The following LPAR3 variants were observed in gnomAD, a reference collection of about 807,000 sequenced individuals.
LPAR3 encodes the protein LPA receptor 3.
LPAR3 carries 7 observed loss-of-function variants against 17.8 expected under a neutral mutation model. That is an observed-to-expected ratio of 0.39 (90% CI 0.22 to 0.74). LPAR3 has a LOEUF of 0.74. Ranked by LOEUF, LPAR3 falls within the 30% of genes least tolerant of loss-of-function variation. The pLI is 0.40. For missense variants in LPAR3, 391 were observed against 453.4 expected (o/e 0.86, Z 1.25); for synonymous variants, 179 against 179.9 (o/e 0.99, Z 0.04).
At chr1:84,835,711 T>A (rs761838967) in intron 2 of LPAR3, among the ~76,000 whole-genome samples, 103 of 152,208 alleles carry the variant, frequency 6.8e-4, no homozygotes, top group Admixed American at 1.2e-3. Flanking sequence ...CAAATTTCTC[T>A]GGCACTCCTT....
At chr1:84,880,222 C>T (rs532213109) in intron 1 of LPAR3, among the ~76,000 whole-genome samples, 2 of 152,280 alleles carry the variant, frequency 1.3e-5, no homozygotes, top group African/African-American at 2.4e-5. Flanking sequence ...GCCAGCTACT[C>T]GGGAGGCTGA....
chr1:84,869,469 G>A (rs1238691948), intron 1 of LPAR3, among the ~76,000 whole-genome samples: 1 of 152,006 alleles, frequency 6.6e-6, no homozygotes, highest in Non-Finnish European at 1.5e-5. Context: ...GCACAGGATG[G>A]AATACTATAC....
At chr1:84,836,350 A>C (rs1659404829) in intron 2 of LPAR3, among the ~76,000 whole-genome samples, 1 of 151,274 alleles carries the variant, frequency 6.6e-6, no homozygotes, top group Admixed American at 6.6e-5. Context: ...AAAAAAAAAA[A>C]AAAAAAACCC....
chr1:84,847,963 C>T (rs1282185013), intron 2 of LPAR3, among the ~76,000 whole-genome samples: 2 of 152,204 alleles, frequency 1.3e-5, no homozygotes, highest in African/African-American at 2.4e-5. Context: ...TATTCTAGGG[C>T]CCAGGTTTTT....
intron 1 of LPAR3, among the ~76,000 whole-genome samples, chr1:84,877,772 C>T (rs556049350): frequency 2.6e-5 from 4 of 152,306 alleles, no homozygotes; most frequent in East Asian, 1.9e-4. Context: ...TCTTCACCTA[C>T]GTGTCAGCCT....
At chr1:84,858,203 C>T (rs758241630) in intron 2 of LPAR3, among the ~76,000 whole-genome samples, 2 of 152,048 alleles carry the variant, frequency 1.3e-5, no homozygotes, top group African/African-American at 2.4e-5. Flanking sequence ...AAACAAGGGC[C>T]GGGCATGGTG....
chr1:84,821,146 T>C lies in LPAR3; in HGVS notation c.737-6975A>G, dbSNP rs1237167792. Among the ~76,000 whole-genome samples, 3 of 152,082 alleles carry C rather than the reference T, an allele frequency of 2.0e-5. No homozygotes were observed. The East Asian group carries it at 5.8e-4, about 29-fold the overall frequency. On this transcript the variant is annotated intron_variant, in intron 2 of 2. Transcript: ENST00000370611. ...ATAGATCAGTGGTTTTCAAACCATT[T>C]CTTTTTTTTTTAAGTAGAGGAATAC...
intron 1 of LPAR3, among the ~76,000 whole-genome samples, chr1:84,867,555 T>C (rs1295537200): frequency 6.6e-6 from 1 of 151,752 alleles, no homozygotes; most frequent in African/African-American, 2.4e-5. Context: ...TTTTTTTAAT[T>C]TATATTTTAA....
chr1:84,844,578 G>T (rs1367708941), intron 2 of LPAR3, among the ~76,000 whole-genome samples: 1 of 152,020 alleles, frequency 6.6e-6, no homozygotes, highest in Non-Finnish European at 1.5e-5. Flanking sequence ...TCATTGCAGG[G>T]ATATTTTAAT....
At chr1:84,839,655 G>A (rs1659472446) in intron 2 of LPAR3, among the ~76,000 whole-genome samples, 1 of 151,470 alleles carries the variant, frequency 6.6e-6, no homozygotes, top group Non-Finnish European at 1.5e-5. Context: ...GACAGAGCAG[G>A]ACCCTGTCTC....
chr1:84,855,611 A>G (rs1659801817), intron 2 of LPAR3, among the ~76,000 whole-genome samples: 1 of 152,248 alleles, frequency 6.6e-6, no homozygotes, highest in South Asian at 2.1e-4. Flanking sequence ...GAAGTTCTGA[A>G]GAAGGGGGCA....
At chr1:84,861,233 T>G (rs567780939) in intron 2 of LPAR3, among the ~76,000 whole-genome samples, 3 of 152,358 alleles carry the variant, frequency 2.0e-5, no homozygotes, top group African/African-American at 7.2e-5. Context: ...TCTAATATAC[T>G]ATCATTTGGG....
chr1:84,833,347 C>A (rs1659329798), intron 2 of LPAR3, among the ~76,000 whole-genome samples: 2 of 152,262 alleles, frequency 1.3e-5, no homozygotes, highest in South Asian at 2.1e-4. Context: ...ATGATATAGA[C>A]AAACTGAAAG....
At position 84,865,509 on chromosome 1, in the gene LPAR3, C is replaced by G; in HGVS notation, c.612G>C (p.Val204=). Residue 204 remains valine (V), a synonymous_variant, in exon 2 of 3, where the codon GTG becomes GTC. Transcript: ENST00000370611. ...CGTACACGTAGATCCGCAGGTACAC[C>G]ACAACCATGATGAGGAAGGCCATGA... is the stretch of plus-strand genomic sequence containing the variant. ...SNLMAFLIMV[V]VYLRIYVYVK... is the part of the protein sequence containing the mutation. The G allele has an allele frequency of 6.2e-7, 1 of 1,614,142 alleles. No individual in the cohort carries two copies. The highest frequency in any genetic ancestry group is 8.5e-7 in the Non-Finnish European group (1 of 1,180,038).
chr1:84,826,159 T>G (rs933304093), intron 2 of LPAR3, among the ~76,000 whole-genome samples: 5 of 151,032 alleles, frequency 3.3e-5, no homozygotes, highest in African/African-American at 1.2e-4. Context: ...ACATATAATA[T>G]ATACATATTA....
intron 2 of LPAR3, among the ~76,000 whole-genome samples, chr1:84,841,852 A>G (rs533173194): frequency 1.3e-5 from 2 of 152,326 alleles, no homozygotes; most frequent in East Asian, 1.9e-4. Flanking sequence ...CTTGAATGAT[A>G]TAAGGGTTGG....
Position 84,837,427 on chromosome 1 carries a change from T to G in LPAR3, c.737-23256A>C, listed in dbSNP as rs202179287. 8.5e-5 allele frequency among the ~76,000 whole-genome samples: 13 copies of G among 152,334 alleles called. No individual in the cohort carries two copies. In the East Asian group the frequency reaches 2.5e-3, roughly 29 times the overall value. On this transcript the variant is annotated intron_variant, in intron 2 of 2. Coordinates refer to ENST00000370611, the MANE Select transcript of LPAR3 (RefSeq NM_012152.3). ...CACATAGCCAGCAGGTATGCTTCCC[T>G]GCAGGTTCTGAGCCAGTCTGGCGCC...
intron 2 of LPAR3, among the ~76,000 whole-genome samples, chr1:84,819,512 A>G (rs889215662): frequency 2.6e-5 from 4 of 152,298 alleles, no homozygotes; most frequent in Non-Finnish European, 5.9e-5. Flanking sequence ...CTATTTCTCC[A>G]TGCTGACCCA....
chr1:84,872,306 T>C (rs1008062306), intron 1 of LPAR3, among the ~76,000 whole-genome samples: 4 of 152,164 alleles, frequency 2.6e-5, no homozygotes, highest in Admixed American at 2.6e-4. Context: ...TCACAACCCA[T>C]TTATTCCTCT....
Sources: gnomAD v4.1 joint callset for allele counts (sites outside exome capture counted in the v4.1 genomes callset) on GRCh38, gnomAD v4.1.1 for gene constraint, MANE v1.5 for transcripts, NCBI Gene and HGNC (gene_info 2026-07-23, HGNC 2026-07-21) for gene names.